The following CADM1 variants were observed in gnomAD, a reference collection of about 807,000 sequenced individuals.
The protein encoded by CADM1 is cell adhesion molecule 1.
CADM1 carries 15 observed loss-of-function variants against 53.1 expected under a neutral mutation model. The ratio of observed to expected loss-of-function variants is 0.28; its 90% CI spans 0.19 to 0.44. The LOEUF (loss-of-function observed/expected upper bound fraction) is 0.44, where lower values mean the gene tolerates loss of function less well. Among genes scored for constraint, CADM1 ranks in the 20% least tolerant of loss-of-function variants. CADM1 has a pLI of 1.00. For missense variants in CADM1, 434 were observed against 611.3 expected, an observed-to-expected ratio of 0.71 and a Z score of 3.06; for synonymous variants, 281 against 243.0, an observed-to-expected ratio of 1.16 and a Z score of -1.45.
intron 1 of CADM1, among the ~76,000 whole-genome samples, chr11:115,489,195 T>A (rs1057355677): frequency 1.3e-5 from 2 of 152,176 alleles, no homozygotes; most frequent in African/African-American, 4.8e-5. Flanking sequence ...CTAGACTAAA[T>A]CTCTTTAATG....
At chr11:115,380,346 A>G (rs906990484) in intron 1 of CADM1, among the ~76,000 whole-genome samples, 1 of 152,178 alleles carries the variant, frequency 6.6e-6, no homozygotes, top group South Asian at 2.1e-4. Flanking sequence ...AGTCCTGATT[A>G]TTCTCTTAAA....
At chr11:115,415,996 A>G (rs1343111918) in intron 1 of CADM1, among the ~76,000 whole-genome samples, 1 of 152,172 alleles carries the variant, frequency 6.6e-6, no homozygotes, top group African/African-American at 2.4e-5. Context: ...TGTTCATACA[A>G]AAGGAAAACC....
At chr11:115,425,495 C>T (rs559516739) in intron 1 of CADM1, among the ~76,000 whole-genome samples, 23 of 152,290 alleles carry the variant, frequency 1.5e-4, no homozygotes, top group African/African-American at 4.8e-4. Context: ...GCTAGGTAAC[C>T]GCATCGTAAC....
intron 1 of CADM1, among the ~76,000 whole-genome samples, chr11:115,398,441 C>T (rs1460993332): frequency 6.6e-6 from 1 of 152,176 alleles, no homozygotes; most frequent in Non-Finnish European, 1.5e-5. Flanking sequence ...CTCCCCCTGA[C>T]TTTTCTGACT....
At chr11:115,240,544 G>T in intron 1 of CADM1, 124 bp from the exon 2 acceptor site, 1 of 951,190 alleles carries the variant, frequency 1.1e-6, no homozygotes, top group South Asian at 1.4e-5. Flanking sequence ...ATTTAGCATG[G>T]CTCTAATACC....
At chr11:115,494,920 G>A (rs1433160729) in intron 1 of CADM1, among the ~76,000 whole-genome samples, 1 of 152,042 alleles carries the variant, frequency 6.6e-6, no homozygotes, top group Admixed American at 6.5e-5. Context: ...TGCCAACCTG[G>A]CCCAGAGATG....
intron 9 of CADM1, 124 bp from the exon 10 acceptor site, chr11:115,191,065 T>TA (rs2134643776): frequency 1.3e-6 from 1 of 762,838 alleles, no homozygotes; most frequent in Admixed American, 2.2e-5. Flanking sequence ...ATGTTTTTGA[T>TA]AGCATGAATG....
At chr11:115,197,810 T>C (rs1015988112) in intron 9 of CADM1, among the ~76,000 whole-genome samples, 2 of 152,216 alleles carry the variant, frequency 1.3e-5, no homozygotes, top group African/African-American at 4.8e-5. Flanking sequence ...TAAAGTTATA[T>C]GAACACATAG....
chr11:115,500,563 T>C (rs1203962802), intron 1 of CADM1, among the ~76,000 whole-genome samples: 1 of 152,230 alleles, frequency 6.6e-6, no homozygotes, highest in East Asian at 1.9e-4. Context: ...AATACAATTT[T>C]TGGATGCTGG....
Position 115,221,428 on chromosome 11 carries a change from C to A in CADM1, c.722-3437G>T, listed in dbSNP as rs544068347. On this transcript the variant is annotated intron_variant, in intron 5 of 11. Coordinates refer to ENST00000331581, the MANE Select transcript of CADM1 (RefSeq NM_001301043.2). Reference sequence around the variant, plus strand: ...AAACACCAGGAGGCTTTAGGTCACACTACAGTAGCAACCAATTAAAAAAAT... The same window carrying A: ...AAACACCAGGAGGCTTTAGGTCACAATACAGTAGCAACCAATTAAAAAAAT... 2.6e-5 allele frequency among the ~76,000 whole-genome samples: 4 copies of A among 152,262 alleles called. No individual in the cohort carries two copies. The East Asian group carries it at 5.8e-4, about 22-fold the overall frequency.
chr11:115,436,787 A>G (rs1157210201), intron 1 of CADM1, among the ~76,000 whole-genome samples: 1 of 152,208 alleles, frequency 6.6e-6, no homozygotes, highest in African/African-American at 2.4e-5. Context: ...ACTAATCTGC[A>G]ATCCTCTTCC....
At chr11:115,241,613 T>C (rs1942233079) in intron 1 of CADM1, among the ~76,000 whole-genome samples, 1 of 152,172 alleles carries the variant, frequency 6.6e-6, no homozygotes, top group Non-Finnish European at 1.5e-5. Context: ...ATAATAAATA[T>C]AAAGCATTTA....
At chr11:115,274,650 C>T (rs949365262) in intron 1 of CADM1, among the ~76,000 whole-genome samples, 1 of 152,114 alleles carries the variant, frequency 6.6e-6, no homozygotes. Flanking sequence ...AGCTCTTGAA[C>T]GTGTAGTAAA....
chr11:115,179,377 G>T (rs888860633), intron 10 of CADM1, among the ~76,000 whole-genome samples: 3 of 151,310 alleles, frequency 2.0e-5, no homozygotes, highest in African/African-American at 7.3e-5. Context: ...TTTCAAAAGA[G>T]ACAGCAAGGA....
chr11:115,179,154 C>T (rs1040386117), intron 10 of CADM1: 3 of 314,834 alleles, frequency 9.5e-6, no homozygotes, highest in Non-Finnish European at 1.9e-5. Flanking sequence ...TGAATGACAC[C>T]TTTAGGCAAC....
At chr11:115,311,397 T>A (rs11215480) in intron 1 of CADM1, among the ~76,000 whole-genome samples, 95,719 of 151,838 alleles carry the variant, frequency 0.63, 31,923 homozygotes, top group East Asian at 0.85. Flanking sequence ...TCATCAGGGG[T>A]TCAGTTCCAG....
intron 1 of CADM1, among the ~76,000 whole-genome samples, chr11:115,483,667 C>A (rs1949304528): frequency 6.6e-6 from 1 of 152,194 alleles, no homozygotes; most frequent in Non-Finnish European, 1.5e-5. Context: ...TTCCAACCTC[C>A]TCTCACTAGT....
intron 1 of CADM1, among the ~76,000 whole-genome samples, chr11:115,405,600 A>T (rs1194891690): frequency 6.6e-6 from 1 of 152,238 alleles, no homozygotes; most frequent in Non-Finnish European, 1.5e-5. Flanking sequence ...GAATAAATAA[A>T]TAAACAGCGA....
intron 5 of CADM1, among the ~76,000 whole-genome samples, chr11:115,227,760 G>T (rs903098609): frequency 6.6e-6 from 1 of 152,162 alleles, no homozygotes; most frequent in Admixed American, 6.5e-5. Context: ...CCAAGCTCAC[G>T]GAGTTAAGAA....
Sources: gnomAD v4.1 joint callset for allele counts (sites outside exome capture counted in the v4.1 genomes callset) on GRCh38, gnomAD v4.1.1 for gene constraint, MANE v1.5 for transcripts, NCBI Gene and HGNC (gene_info 2026-07-23, HGNC 2026-07-21) for gene names.